CENPQ: variants seen among roughly 807,000 people sequenced by gnomAD.
CENPQ encodes chromosome 6 open reading frame 139.
CENPQ carries 27 observed loss-of-function variants against 36.6 expected under a neutral mutation model. The observed-to-expected ratio is 0.74, with a 90% CI of 0.54 to 1.02. The LOEUF is 1.02. Ranked by LOEUF, CENPQ falls within the 50% of genes least tolerant of loss-of-function variation. CENPQ has a pLI of 0.00. For synonymous variants in CENPQ, 101 were observed against 101.7 expected (o/e 0.99, Z 0.04); for missense variants, 306 against 301.8 (o/e 1.01, Z -0.10).
In CENPQ at chr6:49,487,454, T is replaced by TAAAAAAAAAAAAA. The variant is rs759527083; in HGVS notation, c.478-896_478-884dup. ...GCTGACCCCTGCAGCTACCCTTTCT[T>TAAAAAAAAAAAAA]AAAAAAAAAAAAAAGTCATTTAGAA... On this transcript the variant is annotated intron_variant, in intron 6 of 8. Transcript: ENST00000335783. 1.2e-3 allele frequency among the ~76,000 whole-genome samples: 115 copies of TAAAAAAAAAAAAA among 93,240 alleles called. 14 individuals carry two copies. The East Asian group carries it at 0.015, about 12-fold the overall frequency. 61.2% of individuals were successfully genotyped at this position (93,240 alleles called of 152,430 possible).
At chr6:49,477,586 T>G (rs1581849540) in intron 5 of CENPQ, among the ~76,000 whole-genome samples, 1 of 149,940 alleles carries the variant, frequency 6.7e-6, no homozygotes, top group South Asian at 2.1e-4. Context: ...AAAAAGAAAA[T>G]GTTCTGTTTC....
intron 8 of CENPQ, among the ~76,000 whole-genome samples, chr6:49,490,133 G>A (rs1305316199): frequency 6.6e-6 from 1 of 152,190 alleles, no homozygotes; most frequent in Non-Finnish European, 1.5e-5. Flanking sequence ...AAGTCCTAGA[G>A]ATAGCATCTT....
intron 8 of CENPQ, among the ~76,000 whole-genome samples, chr6:49,489,718 G>A (rs1217722415): frequency 6.6e-6 from 1 of 152,170 alleles, no homozygotes; most frequent in African/African-American, 2.4e-5. Context: ...TTGATTCAGA[G>A]GCTGCAGAAC....
rs767715165 is a variant in CENPQ at position 49,470,211 on chromosome 6, C to T, written c.35C>T (p.Ala12Val). The T allele has an allele frequency of 5.0e-6, 8 of 1,608,618 alleles. No individual in the cohort carries two copies. The highest frequency in any genetic ancestry group is 4.4e-5 in the South Asian group (4 of 90,690). Residue 12 changes from alanine (A) to valine (V), a missense_variant, in exon 2 of 9, where the codon GCT becomes GTT. Ala to Val is a moderately conservative substitution (Grantham distance 64). Transcript: ENST00000335783. The part of the protein sequence containing the change: ...SGKANASKKN[A>V]QQLKRNPKRK... ...AAAGCAAATGCTTCCAAGAAAAACG[C>T]TCAACAGTTAAAAAGAAATCCAAAG...
chr6:49,475,062 G>A (rs531754985), intron 5 of CENPQ, among the ~76,000 whole-genome samples: 7 of 152,018 alleles, frequency 4.6e-5, no homozygotes, highest in African/African-American at 1.2e-4. Flanking sequence ...ATTCACAGCC[G>A]AATTCTACCA....
intron 6 of CENPQ, among the ~76,000 whole-genome samples, chr6:49,487,716 A>G (rs1286681324): frequency 6.6e-6 from 1 of 152,080 alleles, no homozygotes; most frequent in Non-Finnish European, 1.5e-5. Flanking sequence ...CCCTTTAGAA[A>G]CCTGGAGGCT....
At chr6:49,488,545 G>A (rs537129987) in intron 7 of CENPQ, 62 bp from the exon 8 acceptor site, 62 of 1,592,226 alleles carry the variant, frequency 3.9e-5, no homozygotes, top group South Asian at 2.1e-4. Context: ...GATAACTTTC[G>A]AGTATAATAT....
At chr6:49,488,529 T>C (rs933011375) in intron 7 of CENPQ, 58 bp downstream of exon 7, 75 of 1,595,268 alleles carry the variant, frequency 4.7e-5, no homozygotes, top group Non-Finnish European at 6.2e-5. Context: ...GGTTAAATTA[T>C]GCAAAGATAA....
rs1433875779 is a variant in CENPQ, at chr6:49,492,787, A to G, written c.*512A>G. 6.6e-6 allele frequency: 1 copy of G among 152,458 alleles called. No individual in the cohort carries two copies. The highest frequency in any genetic ancestry group is 2.1e-4 in the South Asian group (1 of 4,828). 9.4% of individuals were successfully genotyped at this position (152,458 alleles called of 1,614,324 possible). ...CTAGTCTTTTTGGGAAGTAGTTAAG[A>G]TATGCCTGCTATCTTTAACTTTGGA... On this transcript the variant is annotated 3_prime_UTR_variant, in exon 9 of 9. Transcript: ENST00000335783.
intron 8 of CENPQ, 74 bp downstream of exon 8, chr6:49,488,758 A>G (rs1055465147): frequency 2.1e-5 from 25 of 1,218,400 alleles, no homozygotes; most frequent in Non-Finnish European, 2.9e-5. Context: ...GACCACAGCA[A>G]AAAAGCAAAT....
chr6:49,471,211 G>T lies in CENPQ; in HGVS notation c.157+183G>T, dbSNP rs1768125938. Among the ~76,000 whole-genome samples, 3 of 152,278 alleles carry T rather than the reference G, an allele frequency of 2.0e-5. No individual in the cohort carries two copies. The South Asian group carries it at 6.2e-4, about 32-fold the overall frequency. ...TTTTGGTCAACTGAAATTTTACTTA[G>T]CACCTCTGACGAAATACTGTAGAGG... On this transcript the variant is annotated intron_variant, in intron 3 of 8. Coordinates refer to ENST00000335783, the MANE Select transcript of CENPQ (RefSeq NM_018132.4).
At chr6:49,474,687 A>G (rs558014836) in intron 5 of CENPQ, among the ~76,000 whole-genome samples, 1 of 152,310 alleles carries the variant, frequency 6.6e-6, no homozygotes, top group African/African-American at 2.4e-5. Flanking sequence ...AGATAGAGAC[A>G]CAAAAAACCC....
At chr6:49,471,763 AG>A (rs1237455010) in intron 3 of CENPQ, among the ~76,000 whole-genome samples, 1 of 152,202 alleles carries the variant, frequency 6.6e-6, no homozygotes, top group Admixed American at 6.5e-5. Flanking sequence ...AAATGTTTAA[AG>A]AATTTAGGCC....
chr6:49,476,359 T>G (rs1768291878), intron 5 of CENPQ, among the ~76,000 whole-genome samples: 1 of 152,176 alleles, frequency 6.6e-6, no homozygotes, highest in African/African-American at 2.4e-5. Context: ...CTGGGAAAAC[T>G]GGCTAGCCAT....
chr6:49,481,828 C>T (rs1203678494), intron 6 of CENPQ, among the ~76,000 whole-genome samples: 1 of 142,560 alleles, frequency 7.0e-6, no homozygotes, highest in African/African-American at 2.5e-5. Context: ...TGTGCCAGCA[C>T]TCCTCAGCCC....
chr6:49,481,637 A>T (rs1280697309), intron 6 of CENPQ, among the ~76,000 whole-genome samples: 4 of 152,128 alleles, frequency 2.6e-5, no homozygotes, highest in Admixed American at 2.6e-4. Context: ...CCCCACCCAC[A>T]TCCTGCTGAT....
intron 6 of CENPQ, among the ~76,000 whole-genome samples, chr6:49,481,306 G>A (rs538194326): frequency 6.6e-6 from 1 of 152,218 alleles, no homozygotes; most frequent in Admixed American, 6.5e-5. Flanking sequence ...GTTAAGTAGT[G>A]TGTCCGGAAT....
chr6:49,478,184 T>G (rs911707146), intron 5 of CENPQ, among the ~76,000 whole-genome samples: 1 of 152,204 alleles, frequency 6.6e-6, no homozygotes, highest in East Asian at 1.9e-4. Flanking sequence ...CTGATCCTAA[T>G]TGGAACTCTA....
At chr6:49,482,794 C>A (rs1209368925) in intron 6 of CENPQ, among the ~76,000 whole-genome samples, 1 of 152,084 alleles carries the variant, frequency 6.6e-6, no homozygotes, top group African/African-American at 2.4e-5. Context: ...AAGCCACAGA[C>A]CCTCGTGGTG....
Sources: gnomAD v4.1 joint callset for allele counts (sites outside exome capture counted in the v4.1 genomes callset) on GRCh38, gnomAD v4.1.1 for gene constraint, MANE v1.5 for transcripts, NCBI Gene and HGNC (gene_info 2026-07-23, HGNC 2026-07-21) for gene names.